The following MPPED2 variants were observed in gnomAD, a reference collection of about 807,000 sequenced individuals.
MPPED2 encodes metallophosphoesterase domain containing 2.
A neutral mutation model predicts 33.0 loss-of-function variants in MPPED2; 5 were observed. The ratio of observed to expected loss-of-function variants is 0.15; its 90% CI spans 0.08 to 0.32. MPPED2 has a LOEUF of 0.32. Among genes scored for constraint, MPPED2 ranks in the 10% least tolerant of loss-of-function variants. The pLI is 1.00. For missense variants in MPPED2, 275 were observed against 372.1 expected, an observed-to-expected ratio of 0.74 and a Z score of 2.15; for synonymous variants, 136 against 141.9, an observed-to-expected ratio of 0.96 and a Z score of 0.29.
chr11:30,565,326 A>C (rs1956400743), intron 2 of MPPED2, among the ~76,000 whole-genome samples: 1 of 152,166 alleles, frequency 6.6e-6, no homozygotes, highest in Non-Finnish European at 1.5e-5. Flanking sequence ...TGCAGAATAC[A>C]GGCTCATTTA....
chr11:30,549,904 TG>T (rs1473283402), intron 2 of MPPED2, among the ~76,000 whole-genome samples: 2 of 152,218 alleles, frequency 1.3e-5, no homozygotes, highest in African/African-American at 4.8e-5. Context: ...GCTCACTGCT[TG>T]TTTTTAAATC....
At chr11:30,504,897 G>C (rs1952749588) in intron 3 of MPPED2, 2 of 919,816 alleles carry the variant, frequency 2.2e-6, no homozygotes, top group South Asian at 1.4e-5. Flanking sequence ...AGAAACCCAG[G>C]AGAAGGCAGG....
intron 2 of MPPED2, among the ~76,000 whole-genome samples, chr11:30,553,032 C>A (rs1048639973): frequency 2.6e-5 from 4 of 152,124 alleles, no homozygotes; most frequent in Admixed American, 6.6e-5. Context: ...CGGCCACCCA[C>A]GGTGAGCACA....
At chr11:30,535,609 A>G (rs1334016504) in intron 3 of MPPED2, among the ~76,000 whole-genome samples, 1 of 152,162 alleles carries the variant, frequency 6.6e-6, no homozygotes, top group Non-Finnish European at 1.5e-5. Context: ...TTCTCTTACT[A>G]GTAGGTCATT....
chr11:30,509,829 C>A (rs1353004054), intron 3 of MPPED2, among the ~76,000 whole-genome samples: 1 of 152,264 alleles, frequency 6.6e-6, no homozygotes, highest in East Asian at 1.9e-4. Flanking sequence ...TAAGACCTAG[C>A]AAGGCTAAAA....
intron 3 of MPPED2, 27 bp from the exon 4 acceptor site, chr11:30,495,548 T>G (rs752173974): frequency 8.4e-6 from 13 of 1,539,362 alleles, no homozygotes; most frequent in Non-Finnish European, 1.2e-5. Context: ...GAGCACCAAT[T>G]AGCACGTTCA....
At chr11:30,511,053 G>A (rs1035008770) in intron 3 of MPPED2, among the ~76,000 whole-genome samples, 5 of 152,128 alleles carry the variant, frequency 3.3e-5, no homozygotes, top group Non-Finnish European at 7.4e-5. Context: ...CAAGGGTCTT[G>A]CAAAGTCAGG....
chr11:30,528,346 C>A (rs1321709333), intron 3 of MPPED2, among the ~76,000 whole-genome samples: 3 of 152,174 alleles, frequency 2.0e-5, no homozygotes, highest in Non-Finnish European at 4.4e-5. Flanking sequence ...ACCTCTGCCT[C>A]CCGGGTTCAG....
intron 4 of MPPED2, among the ~76,000 whole-genome samples, chr11:30,419,924 T>C (rs1948538193): frequency 6.6e-6 from 1 of 152,180 alleles, no homozygotes; most frequent in Admixed American, 6.5e-5. Flanking sequence ...CTTTTCCTTC[T>C]AAGGGCCAAT....
intron 4 of MPPED2, among the ~76,000 whole-genome samples, chr11:30,460,813 A>G (rs1214632860): frequency 1.3e-5 from 2 of 152,306 alleles, no homozygotes; most frequent in African/African-American, 2.4e-5. Flanking sequence ...GTACAGTGGT[A>G]TGACAATCCC....
intron 4 of MPPED2, among the ~76,000 whole-genome samples, chr11:30,449,763 A>C (rs1194734162): frequency 6.6e-6 from 1 of 152,198 alleles, no homozygotes; most frequent in African/African-American, 2.4e-5. Context: ...TCCTAAACCA[A>C]GATAAAGAGA....
chr11:30,402,191 C>A (rs1947918542), intron 6 of MPPED2, among the ~76,000 whole-genome samples: 2 of 152,124 alleles, frequency 1.3e-5, no homozygotes, highest in Admixed American at 1.3e-4. Context: ...TGGGTGATGT[C>A]CTCAGCATCC....
At chr11:30,481,563 T>A (rs187140634) in intron 4 of MPPED2, among the ~76,000 whole-genome samples, 2 of 152,198 alleles carry the variant, frequency 1.3e-5, no homozygotes, top group Admixed American at 1.3e-4. Context: ...TCGAGCCCTG[T>A]TTTGCAGATT....
chr11:30,407,710 A>G (rs1590165361), downstream of MPPED2, among the ~76,000 whole-genome samples: 1 of 152,148 alleles, frequency 6.6e-6, no homozygotes, highest in East Asian at 1.9e-4. Flanking sequence ...TGTCTCTACA[A>G]AAATTACAAA....
At chr11:30,393,219 C>T (rs760085968) in intron 6 of MPPED2, among the ~76,000 whole-genome samples, 3 of 152,094 alleles carry the variant, frequency 2.0e-5, no homozygotes, top group Non-Finnish European at 4.4e-5. Context: ...AGTGTCCCAC[C>T]CTCTGTGTCC....
chr11:30,496,782 A>G (rs1233650314), intron 3 of MPPED2, among the ~76,000 whole-genome samples: 1 of 152,138 alleles, frequency 6.6e-6, no homozygotes, highest in Non-Finnish European at 1.5e-5. Context: ...TCAAACTGTA[A>G]AGATTACATT....
rs1554919022 is a variant in MPPED2 at position 30,583,134 on chromosome 11, C to CTTTTTTTCTTTTTTTTTTTT, written c.-121-2641_-121-2640insAAAAAAAAAAAAGAAAAAAA. ...CACAAACACCTGGAAAAGACTTTTT[C>CTTTTTTTCTTTTTTTTTTTT]TTTTTTTTTTTTTTTTTTTTTTTTT... On this transcript the variant is annotated intron_variant, in intron 1 of 6. Coordinates refer to ENST00000358117, the MANE Select transcript of MPPED2 (RefSeq NM_001584.3). 2.1e-3 allele frequency among the ~76,000 whole-genome samples: 200 copies of CTTTTTTTCTTTTTTTTTTTT among 96,646 alleles called. 14 individuals are homozygous for CTTTTTTTCTTTTTTTTTTTT. Among genetic ancestry groups the CTTTTTTTCTTTTTTTTTTTT allele is most frequent in the African/African-American group, 6.4e-3 (132 of 20,672 alleles). The allele number at this position is 96,646 out of a possible 152,430, so 63.4% of individuals were successfully genotyped here. A position where few individuals can be genotyped will look rare whatever the true frequency, so the allele number is the denominator to read the frequency against.
At chr11:30,434,453 A>T (rs1949227706) in intron 4 of MPPED2, among the ~76,000 whole-genome samples, 1 of 152,176 alleles carries the variant, frequency 6.6e-6, no homozygotes. Flanking sequence ...TGGTGTGTTT[A>T]CCCCCAGGAA....
rs184997001 is a variant in MPPED2 at position 30,562,440 on chromosome 11, T to C, written c.128+17806A>G. 2.2e-4 allele frequency among the ~76,000 whole-genome samples: 34 copies of C among 152,298 alleles called. No individual in the cohort carries two copies. The East Asian group carries it at 6.0e-3, about 27-fold the overall frequency. Reference sequence around the variant, plus strand: ...CTGCTTTCCATCACAGGCTGCCTCCTACGGGAAGCCTACCTTCTTTCACGT... The same window carrying C: ...CTGCTTTCCATCACAGGCTGCCTCCCACGGGAAGCCTACCTTCTTTCACGT... On this transcript the variant is annotated intron_variant, in intron 2 of 6. Coordinates refer to ENST00000358117, the MANE Select transcript of MPPED2 (RefSeq NM_001584.3).
Sources: gnomAD v4.1 joint callset for allele counts (sites outside exome capture counted in the v4.1 genomes callset) on GRCh38, gnomAD v4.1.1 for gene constraint, MANE v1.5 for transcripts, NCBI Gene and HGNC (gene_info 2026-07-23, HGNC 2026-07-21) for gene names.